Variants in UNC13C observed in about 807,000 individuals in gnomAD.
UNC13C encodes the protein protein unc-13 homolog C.
UNC13C carries 174 observed loss-of-function variants against 245.4 expected under a neutral mutation model. That is an observed-to-expected ratio of 0.71 (90% CI 0.63 to 0.80). The LOEUF (loss-of-function observed/expected upper bound fraction) is 0.80. Ranked by LOEUF, UNC13C falls within the 30% of genes least tolerant of loss-of-function variation. The pLI is 0.00. For synonymous variants in UNC13C, 992 were observed against 895.1 expected, an observed-to-expected ratio of 1.11 and a Z score of -1.93; for missense variants, 2,829 against 2,602.9, an observed-to-expected ratio of 1.09 and a Z score of -1.89.
At chr15:54,020,445 T>TC (rs1895849474) in intron 2 of UNC13C, among the ~76,000 whole-genome samples, 1 of 126,104 alleles carries the variant, frequency 7.9e-6, no homozygotes, top group South Asian at 2.6e-4. Context: ...CAGCTAATTT[T>TC]TTTTTTTTTT....
rs140902674 is a variant in UNC13C at position 54,471,151 on chromosome 15, G to C, written c.4934-23457G>C. On this transcript the variant is annotated intron_variant, in intron 19 of 32. Transcript: ENST00000260323. ...TTTGATCTATCTTGGAAAATGTTCTGTATGCACTTGGAAAGAATGTGCATT... is the reference window on the plus strand; with the variant it reads ...TTTGATCTATCTTGGAAAATGTTCTCTATGCACTTGGAAAGAATGTGCATT... Among the ~76,000 whole-genome samples, 229 of 151,646 alleles carry C rather than the reference G, an allele frequency of 1.5e-3. 1 individual carries two copies. Among genetic ancestry groups the C allele is most frequent in the Middle Eastern group, 3.4e-3 (1 of 294 alleles).
intron 30 of UNC13C, among the ~76,000 whole-genome samples, chr15:54,605,966 C>T (rs550256101): frequency 3.3e-5 from 5 of 152,190 alleles, no homozygotes; most frequent in Non-Finnish European, 5.9e-5. Context: ...CACTGTCTGC[C>T]TCTGCCTTCT....
At chr15:54,571,491 C>T (rs1009224904) in intron 30 of UNC13C, among the ~76,000 whole-genome samples, 1 of 152,178 alleles carries the variant, frequency 6.6e-6, no homozygotes, top group Admixed American at 6.5e-5. Context: ...TGGGGCACAG[C>T]CAAACCATGT....
Position 54,013,579 on chromosome 15 carries a change from C to G in UNC13C, c.676C>G (p.Leu226Val), listed in dbSNP as rs1402125317. The G allele has an allele frequency of 6.2e-7, 1 of 1,613,642 alleles. No individual in the cohort carries two copies. The highest frequency in any genetic ancestry group is 1.3e-5 in the African/African-American group (1 of 75,010). The change falls in exon 2 of 33, where the codon CTG (leucine) becomes GTG (valine). Residue 226 changes from leucine (L) to valine (V), a missense_variant. By Grantham distance (32) the Leu-to-Val change is conservative. Transcript: ENST00000260323. ...TGTCCGAAACCCAAAGACAAATGCC[C>G]TGGAGCCAGGGTTCAGTTCCTCTGG... ...RTVRNPKTNALEPGFSSSGCI... is the reference protein window; with the variant it reads ...RTVRNPKTNAVEPGFSSSGCI...
At chr15:54,248,314 A>G (rs1289184468) in intron 7 of UNC13C, among the ~76,000 whole-genome samples, 2 of 152,180 alleles carry the variant, frequency 1.3e-5, no homozygotes, top group Admixed American at 1.3e-4. Context: ...CAAATGCTAC[A>G]TTACGCACAC....
chr15:54,359,054 TCTGTGTCTA>T (rs2039166466), intron 17 of UNC13C, among the ~76,000 whole-genome samples: 1 of 152,034 alleles, frequency 6.6e-6, no homozygotes, highest in African/African-American at 2.4e-5. Context: ...GAATTTTTTT[TCTGTGTCTA>T]CTGAAATATT....
intron 17 of UNC13C, among the ~76,000 whole-genome samples, chr15:54,389,695 GT>G (rs1180869921): frequency 6.6e-6 from 1 of 151,614 alleles, no homozygotes; most frequent in African/African-American, 2.4e-5. Flanking sequence ...CATCTGTCAT[GT>G]GGTTTTGTGT....
intron 19 of UNC13C, among the ~76,000 whole-genome samples, chr15:54,455,744 A>T (rs1003856220): frequency 1.3e-5 from 2 of 151,840 alleles, no homozygotes; most frequent in African/African-American, 2.4e-5. Flanking sequence ...GATTTATTTG[A>T]GTTCCTTATA....
Position 54,075,432 on chromosome 15 carries a change from CGG to C in UNC13C, c.2983+59547_2983+59548del, listed in dbSNP as rs1898549212. On this transcript the variant is annotated intron_variant, in intron 2 of 32. Coordinates refer to ENST00000260323, the MANE Select transcript of UNC13C (RefSeq NM_001080534.3). ...CCTGAAGGCGGAGCTTGCAGTGAGC[CGG>C]AGCTTGCAGTGAGCCGGAGCTTGCA... Among the ~76,000 whole-genome samples the C allele has an allele frequency of 6.9e-5, 4 of 58,114 alleles. No individual in the cohort carries two copies. The South Asian group carries it at 2.7e-3, about 40-fold the overall frequency. 38.1% of individuals were successfully genotyped at this position (58,114 alleles called of 152,430 possible).
chr15:54,496,244 A>G (rs1324552653), intron 20 of UNC13C, among the ~76,000 whole-genome samples: 8 of 152,242 alleles, frequency 5.3e-5, no homozygotes, highest in Non-Finnish European at 1.2e-4. Flanking sequence ...TATAGTCTTT[A>G]TGTTAAATAA....
intron 19 of UNC13C, among the ~76,000 whole-genome samples, chr15:54,487,162 C>T (rs969382956): frequency 6.6e-6 from 1 of 152,086 alleles, no homozygotes; most frequent in African/African-American, 2.4e-5. Context: ...TATGTCCAAC[C>T]TCACATCATT....
intron 2 of UNC13C, among the ~76,000 whole-genome samples, chr15:54,016,523 A>G (rs1895666890): frequency 6.6e-6 from 1 of 152,178 alleles, no homozygotes; most frequent in South Asian, 2.1e-4. Context: ...TTGAGAAGAG[A>G]TCAGTAAGGG....
At chr15:54,467,919 T>A (rs1892268651) in intron 19 of UNC13C, among the ~76,000 whole-genome samples, 1 of 151,608 alleles carries the variant, frequency 6.6e-6, no homozygotes, top group Non-Finnish European at 1.5e-5. Flanking sequence ...GACATGGGAG[T>A]GTAGATGTAG....
intron 13 of UNC13C, chr15:54,320,843 A>C (rs889954541): frequency 3.2e-6 from 1 of 314,206 alleles, no homozygotes; most frequent in African/African-American, 2.2e-5. Context: ...TTCTGCCTCC[A>C]AAGTTTCTAC....
chr15:54,316,536 C>A (rs894175480), intron 13 of UNC13C, among the ~76,000 whole-genome samples: 1 of 151,878 alleles, frequency 6.6e-6, no homozygotes, highest in African/African-American at 2.4e-5. Flanking sequence ...CTCTTCTATG[C>A]CTTTTTCATA....
In UNC13C at chr15:54,038,126, T is replaced by TA. The variant is rs1566966494; in HGVS notation, c.2983+22240_2983+22241insA. On this transcript the variant is annotated intron_variant, in intron 2 of 32. Transcript: ENST00000260323. ...TATATATATATATATATATATATATTTTTTTTTTTTTTTTCCTGAGACAGA... is the reference window on the plus strand; with the variant it reads ...TATATATATATATATATATATATATTATTTTTTTTTTTTTTCCTGAGACAGA... Among the ~76,000 whole-genome samples the TA allele has an allele frequency of 7.6e-3, 391 of 51,682 alleles. 3 individuals are homozygous for TA. The highest frequency in any genetic ancestry group is 0.012 in the African/African-American group (149 of 12,404). 33.9% of individuals were successfully genotyped at this position (51,682 alleles called of 152,430 possible).
At chr15:54,069,316 A>T (rs16974018) in intron 2 of UNC13C, among the ~76,000 whole-genome samples, 4,858 of 152,252 alleles carry the variant, frequency 0.032, 258 homozygotes, top group African/African-American at 0.11. Flanking sequence ...CCAGTCTATG[A>T]CATTTTGGAA....
the UNC13C span, among the ~76,000 whole-genome samples, chr15:53,902,045 C>T: frequency 6.7e-6 from 1 of 148,328 alleles, no homozygotes; most frequent in African/African-American, 2.4e-5. Context: ...TAGTTTTCAC[C>T]TCTCCATATA....
Position 54,185,588 on chromosome 15 carries a change from T to C in UNC13C, c.3071+41904T>C, listed in dbSNP as rs925403373. Among the ~76,000 whole-genome samples, 123 of 149,396 alleles carry C rather than the reference T, an allele frequency of 8.2e-4. 1 individual carries two copies. The highest frequency in any genetic ancestry group is 2.8e-3 in the African/African-American group (110 of 39,276). ...CAAAGATCAGATAGTTGTAGATATGTGGCATTATTTCTGAGGGCTCTGTTC... is the reference window on the plus strand; with the variant it reads ...CAAAGATCAGATAGTTGTAGATATGCGGCATTATTTCTGAGGGCTCTGTTC... On this transcript the variant is annotated intron_variant, in intron 4 of 32. Transcript: ENST00000260323.
Sources: gnomAD v4.1 joint callset for allele counts (sites outside exome capture counted in the v4.1 genomes callset) on GRCh38, gnomAD v4.1.1 for gene constraint, MANE v1.5 for transcripts, NCBI Gene and HGNC (gene_info 2026-07-23, HGNC 2026-07-21) for gene names.